The following SYT1 variants were observed in gnomAD, a reference collection of about 807,000 sequenced individuals.
SYT1 encodes synaptotagmin-1.
A neutral mutation model predicts 44.8 loss-of-function variants in SYT1; 8 were observed. That is an observed-to-expected ratio of 0.18 (90% CI 0.10 to 0.32). The LOEUF is 0.32. SYT1 is among the 10% of genes least tolerant of loss of function. The pLI, the probability that SYT1 is intolerant of heterozygous loss-of-function variation, is 1.00. For missense variants in SYT1, 286 were observed against 509.3 expected (o/e 0.56, Z 4.22); for synonymous variants, 154 against 188.8 (o/e 0.82, Z 1.51).
intron 2 of SYT1, among the ~76,000 whole-genome samples, chr12:79,006,771 A>G (rs886887859): frequency 6.6e-6 from 1 of 152,154 alleles, no homozygotes; most frequent in African/African-American, 2.4e-5. Context: ...GGATCCTGCA[A>G]CACAGTTCCT....
At chr12:79,077,938 CA>C (rs775535525) in intron 3 of SYT1, among the ~76,000 whole-genome samples, 1 of 151,942 alleles carries the variant, frequency 6.6e-6, no homozygotes, top group Non-Finnish European at 1.5e-5. Flanking sequence ...GTACTACTCA[CA>C]TTTTTTTCTG....
intron 1 of SYT1, among the ~76,000 whole-genome samples, chr12:78,962,332 C>CTTTTTTTT (rs35875550): frequency 1.5e-5 from 2 of 130,122 alleles, no homozygotes; most frequent in Non-Finnish European, 3.3e-5. Flanking sequence ...AGCATTCTTT[C>CTTTTTTTT]TTTTTTTTTT....
intron 2 of SYT1, among the ~76,000 whole-genome samples, chr12:79,017,764 G>A (rs1360577863): frequency 1.3e-5 from 2 of 152,066 alleles, no homozygotes; most frequent in African/African-American, 4.8e-5. Context: ...AAATTGACAT[G>A]ATTAGATTGT....
chr12:79,010,816 T>G (rs2137570365), intron 2 of SYT1, among the ~76,000 whole-genome samples: 1 of 152,348 alleles, frequency 6.6e-6, no homozygotes, highest in South Asian at 2.1e-4. Context: ...ATTCATTTTA[T>G]GAAGACAATT....
chr12:79,150,939 A>G (rs536225316), intron 3 of SYT1, among the ~76,000 whole-genome samples: 1 of 152,214 alleles, frequency 6.6e-6, no homozygotes, highest in South Asian at 2.1e-4. Flanking sequence ...AGTGCCTAGA[A>G]AAAAGGAAAA....
intron 4 of SYT1, among the ~76,000 whole-genome samples, chr12:79,245,485 AAAAAG>A (rs1308809305): frequency 1.3e-5 from 2 of 148,896 alleles, no homozygotes; most frequent in African/African-American, 2.5e-5. Flanking sequence ...AAAAAAAAAA[AAAAAG>A]AAAAGAAAAA....
chr12:79,098,566 A>G (rs1878278333), intron 3 of SYT1, among the ~76,000 whole-genome samples: 1 of 152,156 alleles, frequency 6.6e-6, no homozygotes, highest in Non-Finnish European at 1.5e-5. Context: ...AATATATTAA[A>G]GTAGTTCTCA....
At chr12:79,013,959 C>T (rs145467723) in intron 2 of SYT1, among the ~76,000 whole-genome samples, 4 of 151,602 alleles carry the variant, frequency 2.6e-5, no homozygotes, top group Non-Finnish European at 2.9e-5. Context: ...AACCCCGTCT[C>T]TATTAAAAAT....
intron 8 of SYT1, among the ~76,000 whole-genome samples, chr12:79,323,119 T>TC (rs1491508717): frequency 1.2e-4 from 16 of 138,374 alleles, no homozygotes; most frequent in African/African-American, 4.4e-4. Context: ...ATTTTCTCTC[T>TC]TTTTTTTTTT....
At position 79,449,453 on chromosome 12, in the gene SYT1, C is replaced by A; in HGVS notation, c.*329C>A. On this transcript the variant is annotated 3_prime_UTR_variant, in exon 11 of 11. Transcript: ENST00000261205. ...AGTTTGTGTATTTGTATGTTGTAAGCGTTTCCTAATCTGTGTATATCTAGA... is the reference window on the plus strand; with the variant it reads ...AGTTTGTGTATTTGTATGTTGTAAGAGTTTCCTAATCTGTGTATATCTAGA... 1 of 264,138 alleles carries A rather than the reference C, an allele frequency of 3.8e-6. No homozygotes were observed. The highest frequency in any genetic ancestry group is 5.4e-5 in the South Asian group (1 of 18,478). 16.4% of individuals were successfully genotyped at this position (264,138 alleles called of 1,614,324 possible).
At chr12:79,350,852 C>G (rs1365931926) in intron 8 of SYT1, among the ~76,000 whole-genome samples, 1 of 152,090 alleles carries the variant, frequency 6.6e-6, no homozygotes, top group Non-Finnish European at 1.5e-5. Context: ...ATGAGTTTTT[C>G]TCTATCTTGT....
intron 1 of SYT1, among the ~76,000 whole-genome samples, chr12:78,876,852 T>TATGTAATAC (rs1449615253): frequency 1.2e-5 from 1 of 82,342 alleles, no homozygotes; most frequent in African/African-American, 5.3e-5. Context: ...ATATATATTA[T>TATGTAATAC]ATATAATATA....
chr12:78,969,098 A>T (rs1868316620), intron 1 of SYT1, among the ~76,000 whole-genome samples: 1 of 152,206 alleles, frequency 6.6e-6, no homozygotes, highest in Admixed American at 6.5e-5. Flanking sequence ...AGACTTTTTC[A>T]TGTTCTATTT....
rs58474358 is a variant in SYT1 at position 79,196,149 on chromosome 12, CTGTTGTTGTTGT to C, written c.-17-21327_-17-21316del. On this transcript the variant is annotated intron_variant, in intron 3 of 10. Coordinates refer to ENST00000261205, the MANE Select transcript of SYT1 (RefSeq NM_005639.3). Reference sequence around the variant, plus strand: ...CATGGAGCTATGTACATTTCTAATTCTGTTGTTGTTGTTGTTGTTGTTGTTGTTGTTGTTGTT... The same window carrying C: ...CATGGAGCTATGTACATTTCTAATTCTGTTGTTGTTGTTGTTGTTGTTGTT... 5.0e-4 allele frequency among the ~76,000 whole-genome samples: 59 copies of C among 118,794 alleles called. 1 individual carries two copies. In the South Asian group the frequency reaches 0.013, roughly 27 times the overall value. The allele number at this position is 118,794 out of a possible 152,430, so 77.9% of individuals were successfully genotyped here.
chr12:78,991,719 T>G (rs1870034466), intron 2 of SYT1, among the ~76,000 whole-genome samples: 1 of 152,188 alleles, frequency 6.6e-6, no homozygotes, highest in Admixed American at 6.5e-5. Context: ...GCCTTGCCCT[T>G]TCTTTGAACT....
chr12:79,440,076 A>C (rs1870321660), intron 9 of SYT1, among the ~76,000 whole-genome samples: 1 of 152,108 alleles, frequency 6.6e-6, no homozygotes. Context: ...AAATACAAAA[A>C]TTAGCTGGGC....
At chr12:79,096,768 G>A (rs1253647177) in intron 3 of SYT1, among the ~76,000 whole-genome samples, 1 of 151,926 alleles carries the variant, frequency 6.6e-6, no homozygotes, top group Non-Finnish European at 1.5e-5. Context: ...TTGAGCAGGG[G>A]CATGACATCT....
intron 2 of SYT1, among the ~76,000 whole-genome samples, chr12:79,016,287 T>C (rs1001681798): frequency 6.6e-6 from 1 of 152,186 alleles, no homozygotes; most frequent in African/African-American, 2.4e-5. Context: ...AATAGGTCTA[T>C]GGCTCTTCAA....
intron 7 of SYT1, among the ~76,000 whole-genome samples, chr12:79,297,871 T>G (rs1428905296): frequency 6.6e-6 from 1 of 152,126 alleles, no homozygotes; most frequent in Non-Finnish European, 1.5e-5. Context: ...CCAAATTAAT[T>G]CATCTTCTTT....
Sources: gnomAD v4.1 joint callset for allele counts (sites outside exome capture counted in the v4.1 genomes callset) on GRCh38, gnomAD v4.1.1 for gene constraint, MANE v1.5 for transcripts, NCBI Gene and HGNC (gene_info 2026-07-23, HGNC 2026-07-21) for gene names.